ECE2: variants seen among roughly 807,000 people sequenced by gnomAD.
ECE2 encodes endothelin converting enzyme 2, also known as endothelin-converting enzyme 2.
Under a neutral mutation model 100.6 loss-of-function variants are expected in ECE2, and 81 were observed. The observed-to-expected ratio is 0.81, with a 90% CI of 0.67 to 0.97. ECE2 has a LOEUF of 0.97. Ranked by LOEUF, ECE2 falls within the 50% of genes least tolerant of loss-of-function variation. ECE2 has a pLI of 0.00. For synonymous variants in ECE2, 391 were observed against 391.5 expected (o/e 1.00, Z 0.02); for missense variants, 911 against 988.1 (o/e 0.92, Z 1.05).
At chr3:184,288,171 G>A (rs1440855329) in intron 11 of ECE2, among the ~76,000 whole-genome samples, 1 of 151,842 alleles carries the variant, frequency 6.6e-6, no homozygotes, top group African/African-American at 2.4e-5. Context: ...TTAGCCGGGC[G>A]TGGTGGCGGG....
At chr3:184,285,723 C>T (rs1012740447) in intron 10 of ECE2, 131 bp downstream of exon 10, 14 of 682,452 alleles carry the variant, frequency 2.1e-5, no homozygotes, top group African/African-American at 7.2e-5. Flanking sequence ...GGAAGCAAGC[C>T]GACTTGCGTT....
At chr3:184,278,899 C>CA in intron 7 of ECE2, 1 of 285,090 alleles carries the variant, frequency 3.5e-6, no homozygotes, top group Non-Finnish European at 6.6e-6. Context: ...ACAAAGCTCA[C>CA]AAGAGGGTCC....
rs1342269150 is a variant in ECE2, at chr3:184,291,544, G to A, written c.2121+105G>A. The A allele has an allele frequency of 2.7e-6, 3 of 1,125,374 alleles. No homozygotes were observed. The highest frequency in any genetic ancestry group is 2.7e-5 in the East Asian group (1 of 36,852). 69.7% of individuals were successfully genotyped at this position (1,125,374 alleles called of 1,614,324 possible). The stretch of plus-strand genomic sequence containing the variant: ...CACGTGTCAAACGGGCTGGTGAATG[G>A]GGCTGAGGCTGGGGCATGAAAGGTG... On this transcript the variant is annotated intron_variant, in intron 18 of 18. Coordinates refer to ENST00000404464, the MANE Select transcript of ECE2 (RefSeq NM_001100121.2). The surrounding 1 kb of genome is among the most constrained non-coding windows in gnomAD (Gnocchi z 4.1).
Position 184,284,997 on chromosome 3 carries a change from T to C in ECE2, c.1040T>C (p.Leu347Pro). 1.2e-6 allele frequency: 2 copies of C among 1,614,186 alleles called. No homozygotes were observed. The highest frequency in any genetic ancestry group is 8.5e-7 in the Non-Finnish European group (1 of 1,180,024). ...LAPSMDWLEF[L>P]SFLLSPLELS... ...CCCTCCATGGACTGGCTTGAGTTCC[T>C]GTCTTTCTTGCTGTCACCATTGGAG... The change falls in exon 9 of 19, where the codon CTG becomes CCG. Residue 347 changes from leucine (L) to proline (P), a missense_variant. By Grantham distance (98) the Leu-to-Pro change is moderately conservative. Coordinates refer to ENST00000404464, the MANE Select transcript of ECE2 (RefSeq NM_001100121.2).
intron 7 of ECE2, among the ~76,000 whole-genome samples, chr3:184,280,544 G>A (rs1368743887): frequency 6.6e-6 from 1 of 152,138 alleles, no homozygotes; most frequent in Non-Finnish European, 1.5e-5. Flanking sequence ...GAGGCCTGAG[G>A]GGCATCTCCT....
Position 184,290,864 on chromosome 3 carries a change from G to A in ECE2, c.1834+4G>A. 1 of 1,614,222 alleles carries A rather than the reference G, an allele frequency of 6.2e-7. No homozygotes were observed. On this transcript the variant is annotated splice_donor_region_variant and intron_variant, in intron 16 of 18. Coordinates refer to ENST00000404464, the MANE Select transcript of ECE2 (RefSeq NM_001100121.2). Reference sequence around the variant, plus strand: ...ACGCATGCCTTTGATGACCAAGGTAGGGGCCCATGGAGTCGTCCCCTCTAG... The same window carrying A: ...ACGCATGCCTTTGATGACCAAGGTAAGGGCCCATGGAGTCGTCCCCTCTAG...
chr3:184,292,492 C>T lies in ECE2; in HGVS notation c.*254C>T. The T allele has an allele frequency of 1.9e-6, 1 of 539,192 alleles. No individual in the cohort carries two copies. The highest frequency in any genetic ancestry group is 3.3e-6 in the Non-Finnish European group (1 of 300,656). The allele number at this position is 539,192 out of a possible 1,614,324, so 33.4% of individuals were successfully genotyped here. ...CCGTGTCACCCTGCCTGGAAGAGGT[C>T]TGGGTGGGGAGGCCAGTTCCCATAG... On this transcript the variant is annotated 3_prime_UTR_variant, in exon 19 of 19. Coordinates refer to ENST00000404464, the MANE Select transcript of ECE2 (RefSeq NM_001100121.2).
chr3:184,285,577 C>T lies in ECE2; in HGVS notation c.1248C>T (p.Leu416=). The T allele has an allele frequency of 6.2e-7, 1 of 1,613,750 alleles. No homozygotes were observed. Among genetic ancestry groups the T allele is most frequent in the Non-Finnish European group, 8.5e-7 (1 of 1,179,618 alleles). The change falls in exon 10 of 19, where the codon CTC becomes CTT. Residue 416 remains leucine, a synonymous_variant. Coordinates refer to ENST00000404464, the MANE Select transcript of ECE2 (RefSeq NM_001100121.2). ...ESAQEKLLET[L]YGTKKSCVPR... Reference sequence around the variant, plus strand: ...CACAAGAGAAGCTGCTGGAGACCCTCTATGGCACTAAGAAGGTGGGCTTTC... The same window carrying T: ...CACAAGAGAAGCTGCTGGAGACCCTTTATGGCACTAAGAAGGTGGGCTTTC...
chr3:184,278,460 G>A (rs746410836), intron 6 of ECE2, 32 bp from the exon 7 acceptor site: 8 of 1,610,554 alleles, frequency 5.0e-6, no homozygotes, highest in Middle Eastern at 1.7e-4. Context: ...TGGGGAAAGC[G>A]AGGGGCTCAC....
chr3:184,278,168 T>C lies in ECE2; in HGVS notation c.605T>C (p.Ile202Thr). 7.4e-6 allele frequency: 12 copies of C among 1,614,046 alleles called. No individual in the cohort carries two copies. Among genetic ancestry groups the C allele is most frequent in the Non-Finnish European group, 9.3e-6 (11 of 1,179,982 alleles). Residue 202 changes from isoleucine (I) to threonine (T), a missense_variant and splice_region_variant, in exon 6 of 19, where the codon ATT (isoleucine) becomes ACT (threonine). Physicochemically the swap from Ile to Thr is moderately conservative, Grantham distance 89. Transcript: ENST00000404464. ...ATTCCACTTATGGTCTCTACATAGATTGGTGGTTGGAACATTACGGGGCCC... is the reference window on the plus strand; with the variant it reads ...ATTCCACTTATGGTCTCTACATAGACTGGTGGTTGGAACATTACGGGGCCC... ...AQPLRDLIEK[I>T]GGWNITGPWD...
chr3:184,291,651 C>A lies in ECE2; in HGVS notation c.2121+212C>A. ...TGAAGAGGCCTGAGCGGGAGAATGC[C>A]TTGGTAGGATTTCGCATAGTTCAAA... On this transcript the variant is annotated intron_variant, in intron 18 of 18. Transcript: ENST00000404464. The surrounding 1 kb of genome is among the most constrained non-coding windows in gnomAD (Gnocchi z 4.1). The A allele has an allele frequency of 1.9e-6, 1 of 528,764 alleles. No individual in the cohort carries two copies. The highest frequency in any genetic ancestry group is 3.3e-6 in the Non-Finnish European group (1 of 301,648). The allele number at this position is 528,764 out of a possible 1,614,324, so 32.8% of individuals were successfully genotyped here.
At chr3:184,276,723 C>T (rs765963848) in intron 2 of ECE2, 156 bp downstream of exon 2, 3 of 1,540,558 alleles carry the variant, frequency 1.9e-6, no homozygotes, top group East Asian at 2.3e-5. Context: ...GATGCTAAGC[C>T]GTGACGTTGC....
intron 7 of ECE2, among the ~76,000 whole-genome samples, chr3:184,279,708 A>G (rs1720740133): frequency 6.6e-6 from 1 of 151,654 alleles, no homozygotes; most frequent in African/African-American, 2.4e-5. Flanking sequence ...TGTCTGGACC[A>G]TGGCAAGGGG....
In ECE2 at chr3:184,287,854, G is replaced by A; in HGVS notation, c.1281G>A (p.Trp427Ter). 6.2e-7 allele frequency: 1 copy of A among 1,614,134 alleles called. No homozygotes were observed. The highest frequency in any genetic ancestry group is 8.5e-7 in the Non-Finnish European group (1 of 1,179,988). ...TTTAACAGTCCTGTGTGCCGAGGTG[G>A]CAGACCTGCATCTCCAACACGGATG... ...YGTKKSCVPR[W>*]QTCISNTDDA... is the part of the protein sequence containing the mutation. Residue 427 changes from tryptophan (W) to a stop codon, truncating the protein, a stop_gained, in exon 11 of 19, where the codon TGG (tryptophan) becomes TGA (stop). Transcript: ENST00000404464. LOFTEE classifies it high-confidence loss of function.
At position 184,287,901 on chromosome 3, in the gene ECE2, G is replaced by T. The variant is rs1293197379; in HGVS notation, c.1328G>T (p.Gly443Val). 1.9e-6 allele frequency: 3 copies of T among 1,614,196 alleles called. No homozygotes were observed. Among genetic ancestry groups the T allele is most frequent in the Non-Finnish European group, 2.5e-6 (3 of 1,180,032 alleles). ...NTDDALGFAL[G>V]SLFVKATFDR... ...GATGACGCCCTTGGCTTTGCTTTGG[G>T]GTCCCTCTTCGTGAAGGCCACGTTT... The change falls in exon 11 of 19, where the codon GGG becomes GTG. Residue 443 changes from glycine to valine, a missense_variant. Transcript: ENST00000404464.
Position 184,278,266 on chromosome 3 carries a change from G to A in ECE2, c.703G>A (p.Val235Ile), listed in dbSNP as rs758459711. The A allele has an allele frequency of 1.4e-5, 23 of 1,614,160 alleles. No individual in the cohort carries two copies. The South Asian group carries it at 1.5e-4, about 11-fold the overall frequency. Residue 235 changes from valine to isoleucine, a missense_variant, in exon 6 of 19, where the codon GTC becomes ATC. By Grantham distance (29) the Val-to-Ile change is conservative. Coordinates refer to ENST00000404464, the MANE Select transcript of ECE2 (RefSeq NM_001100121.2). The stretch of plus-strand genomic sequence containing the variant: ...CTACAGGGCCACCCCATTCTTCACC[G>A]TCTACATCAGTGCCGACTCTAAGAG... Reference protein sequence around the residue: ...GTYRATPFFTVYISADSKSSN... With the variant: ...GTYRATPFFTIYISADSKSSN...
chr3:184,277,956 T>C lies in ECE2; in HGVS notation c.510T>C (p.Ala170=). The C allele has an allele frequency of 6.2e-7, 1 of 1,613,132 alleles. No homozygotes were observed. The highest frequency in any genetic ancestry group is 1.1e-5 in the South Asian group (1 of 91,034). ...ENTTFNSSSE[A]EQKTQRFYLS... is the part of the protein sequence containing the mutation. ...CCACCTTCAACTCCAGCAGTGAAGCTGAGCAGAAGACACAGCGCTTCTACC... is the reference window on the plus strand; with the variant it reads ...CCACCTTCAACTCCAGCAGTGAAGCCGAGCAGAAGACACAGCGCTTCTACC... The change falls in exon 5 of 19, where the codon GCT becomes GCC. Residue 170 remains alanine, a synonymous_variant. Coordinates refer to ENST00000404464, the MANE Select transcript of ECE2 (RefSeq NM_001100121.2).
intron 15 of ECE2, 46 bp from the exon 16 acceptor site, chr3:184,290,747 A>C: frequency 6.2e-7 from 1 of 1,613,038 alleles, no homozygotes; most frequent in Non-Finnish European, 8.5e-7. Context: ...GGTGGGATTC[A>C]GAAGTACCCC....
chr3:184,289,753 C>T lies in ECE2; in HGVS notation c.1551+35C>T. Reference sequence around the variant, plus strand: ...TACGCTCATCAGTACTGAACTTCAGCCCTGTAGAGGGCACTGTTCCCTGGG... The same window carrying T: ...TACGCTCATCAGTACTGAACTTCAGTCCTGTAGAGGGCACTGTTCCCTGGG... On this transcript the variant is annotated intron_variant, in intron 13 of 18. Transcript: ENST00000404464. The surrounding 1 kb of genome is among the most constrained non-coding windows in gnomAD (Gnocchi z 4.1). The T allele has an allele frequency of 1.9e-6, 3 of 1,556,616 alleles. No individual in the cohort carries two copies. Among genetic ancestry groups the T allele is most frequent in the Non-Finnish European group, 2.6e-6 (3 of 1,143,458 alleles).
Sources: gnomAD v4.1 joint callset for allele counts (sites outside exome capture counted in the v4.1 genomes callset) on GRCh38, gnomAD v4.1.1 for gene constraint, Gnocchi (gnomAD v3.1) non-coding constraint, MANE v1.5 for transcripts, NCBI Gene and HGNC (gene_info 2026-07-23, HGNC 2026-07-21) for gene names.